The following RPL18 variants were observed in gnomAD, a reference collection of about 807,000 sequenced individuals.
The protein encoded by RPL18 is ribosomal protein L18.
RPL18 carries 4 observed loss-of-function variants against 25.0 expected under a neutral mutation model. The ratio of observed to expected loss-of-function variants is 0.16; its 90% CI spans 0.08 to 0.37. The LOEUF (loss-of-function observed/expected upper bound fraction) is 0.37. Ranked by LOEUF, RPL18 falls within the 10% of genes least tolerant of loss-of-function variation. The pLI, the probability that RPL18 is intolerant of heterozygous loss-of-function variation, is 1.00. For synonymous variants in RPL18, 129 were observed against 101.6 expected (o/e 1.27, Z -1.62); for missense variants, 179 against 267.9 (o/e 0.67, Z 2.32).
At chr19:48,617,023 G>C (rs1450487597) in intron 3 of RPL18, 199 bp from the exon 4 acceptor site, 5 of 702,756 alleles carry the variant, frequency 7.1e-6, no homozygotes, top group African/African-American at 7.0e-5. Flanking sequence ...CTGTTCAATA[G>C]GGCCTCCCTC....
At chr19:48,615,980 G>C (rs376311951) in intron 5 of RPL18, 34 bp from the exon 6 acceptor site, 36 of 1,613,682 alleles carry the variant, frequency 2.2e-5, no homozygotes, top group Non-Finnish European at 3.0e-5. Context: ...GGTGAGACAG[G>C]GATCTGGCGC....
In RPL18 at chr19:48,617,132, G is replaced by A. The variant is rs760065910; in HGVS notation, c.198+184C>T. On this transcript the variant is annotated intron_variant, in intron 3 of 6. Transcript: ENST00000549920. ...ACAAAGAGAAGGAGAGGAGGACCAGGAGACTTGCCCACTGCCCATGGACAC... is the reference window on the plus strand; with the variant it reads ...ACAAAGAGAAGGAGAGGAGGACCAGAAGACTTGCCCACTGCCCATGGACAC... 9.7e-6 allele frequency: 7 copies of A among 724,908 alleles called. No individual in the cohort carries two copies. The African/African-American group carries it at 1.2e-4, about 13-fold the overall frequency. The allele number at this position is 724,908 out of a possible 1,614,324, so 44.9% of individuals were successfully genotyped here.
intron 2 of RPL18, 57 bp downstream of exon 2, chr19:48,617,734 G>T: frequency 7.4e-7 from 1 of 1,348,650 alleles, no homozygotes; most frequent in Non-Finnish European, 1.1e-6. Context: ...TAGAATGGAG[G>T]ATCTGCAAGT....
rs925376043 is a variant in RPL18, at chr19:48,619,087, C to T, written c.3+54G>A. On this transcript the variant is annotated intron_variant, in intron 1 of 6. Transcript: ENST00000549920. ...CCTCCAGCGTGCCCCTAGCCCAAAA[C>T]CACGGCGGATGGCAGCGGATTATCC... The T allele has an allele frequency of 1.1e-5, 17 of 1,584,312 alleles. No homozygotes were observed. In the African/African-American group the frequency reaches 2.0e-4, roughly 19 times the overall value.
At chr19:48,617,753 G>T in intron 2 of RPL18, 38 bp downstream of exon 2, 1 of 1,516,698 alleles carries the variant, frequency 6.6e-7, no homozygotes, top group East Asian at 2.3e-5. Context: ...GTCAGACCTG[G>T]GGTGACCCTT....
At chr19:48,616,264 A>T in intron 4 of RPL18, 62 bp from the exon 5 acceptor site, 1 of 1,597,282 alleles carries the variant, frequency 6.3e-7, no homozygotes, top group Non-Finnish European at 8.5e-7. Flanking sequence ...GGCTGCCAGG[A>T]CTCACCCTCC....
intron 4 of RPL18, 34 bp from the exon 5 acceptor site, chr19:48,616,236 C>T: frequency 6.2e-7 from 1 of 1,609,630 alleles, no homozygotes; most frequent in Non-Finnish European, 8.5e-7. Context: ...GGGTCAGACC[C>T]CTGCGTGGTC....
intron 1 of RPL18, 171 bp from the exon 2 acceptor site, chr19:48,618,048 G>A (rs1194455180): frequency 3.5e-6 from 2 of 574,356 alleles, no homozygotes; most frequent in Non-Finnish European, 6.3e-6. Flanking sequence ...TCTGTAAAAA[G>A]GGGCTGTTTA....
rs760754163 is a variant in RPL18, at chr19:48,616,819, C to T, written c.204G>A (p.Arg68=). Reference sequence around the variant, plus strand: ...TTTCCCGGCCAGGAAGCTTCATCTTCCGGATCTTAGGGTGGGGAGGATGTA... The same window carrying T: ...TTTCCCGGCCAGGAAGCTTCATCTTTCGGATCTTAGGGTGGGGAGGATGTA... ...RPPLSLSRMI[R]KMKLPGRENK... Residue 68 remains arginine, a synonymous_variant, in exon 4 of 7, where the codon CGG becomes CGA. Coordinates refer to ENST00000549920, the MANE Select transcript of RPL18 (RefSeq NM_000979.4). 1.3e-5 allele frequency: 21 copies of T among 1,612,420 alleles called. No individual in the cohort carries two copies. In the South Asian group the frequency reaches 2.1e-4, roughly 16 times the overall value.
In RPL18 at chr19:48,617,887, T is replaced by A; in HGVS notation, c.4-10A>T. On this transcript the variant is annotated splice_polypyrimidine_tract_variant and intron_variant, in intron 1 of 6. Coordinates refer to ENST00000549920, the MANE Select transcript of RPL18 (RefSeq NM_000979.4). ...GGCGGATGTCCACTCCCTGTGGGGG[T>A]GAAGAGGCAACCATGGACCCAATTA... is the stretch of plus-strand genomic sequence containing the variant. 1 of 1,609,414 alleles carries A rather than the reference T, an allele frequency of 6.2e-7. No homozygotes were observed. The highest frequency in any genetic ancestry group is 8.5e-7 in the Non-Finnish European group (1 of 1,175,994).
rs573753385 is a variant in RPL18, at chr19:48,616,990, C to T, written c.199-166G>A. 1.5e-4 allele frequency: 106 copies of T among 704,196 alleles called. 1 individual carries two copies. The African/African-American group carries it at 1.7e-3, about 11-fold the overall frequency. 43.6% of individuals were successfully genotyped at this position (704,196 alleles called of 1,614,324 possible). A position where few individuals can be genotyped will look rare whatever the true frequency, so the allele number is the denominator to read the frequency against. On this transcript the variant is annotated intron_variant, in intron 3 of 6. Transcript: ENST00000549920. ...TCCTCAGGTCCAGCTGGGGAAAGCTCCAGATAAAAAAAAAAATGCAGACTG... is the reference window on the plus strand; with the variant it reads ...TCCTCAGGTCCAGCTGGGGAAAGCTTCAGATAAAAAAAAAAATGCAGACTG...
In RPL18 at chr19:48,617,112, G is replaced by C. The variant is rs918571476; in HGVS notation, c.198+204C>G. The C allele has an allele frequency of 9.9e-6, 7 of 709,966 alleles. No individual in the cohort carries two copies. The African/African-American group carries it at 1.0e-4, about 11-fold the overall frequency. 44.0% of individuals were successfully genotyped at this position (709,966 alleles called of 1,614,324 possible). A position where few individuals can be genotyped will look rare whatever the true frequency, so the allele number is the denominator to read the frequency against. ...CACCAGGACACCTCCACCTCACAAA[G>C]AGAAGGAGAGGAGGACCAGGAGACT... On this transcript the variant is annotated intron_variant, in intron 3 of 6. Transcript: ENST00000549920.
intron 4 of RPL18, 192 bp downstream of exon 4, chr19:48,616,534 C>T (rs1974175865): frequency 1.4e-6 from 1 of 706,526 alleles, no homozygotes; most frequent in Non-Finnish European, 2.6e-6. Flanking sequence ...AGAAGCTTGC[C>T]CAGGGGACCC....
chr19:48,615,475 G>C (rs180823347), intron 6 of RPL18, 28 bp from the exon 7 acceptor site: 1 of 1,578,482 alleles, frequency 6.3e-7, no homozygotes, highest in African/African-American at 1.3e-5. Context: ...AGTGAGAGGG[G>C]GGCCCTCTTA....
At chr19:48,618,133 G>T in intron 1 of RPL18, 1 of 339,864 alleles carries the variant, frequency 2.9e-6, no homozygotes, top group East Asian at 5.5e-5. Flanking sequence ...AATACAAAAA[G>T]GTCAATTCTT....
At chr19:48,615,544 G>A (rs956653690) in intron 6 of RPL18, 97 bp from the exon 7 acceptor site, 23 of 956,050 alleles carry the variant, frequency 2.4e-5, no homozygotes, top group Middle Eastern at 2.2e-4. Flanking sequence ...TCAGCCCCAG[G>A]AGAGTCAATG....
At chr19:48,618,825 C>T in intron 1 of RPL18, 2 of 464,460 alleles carry the variant, frequency 4.3e-6, no homozygotes, top group Non-Finnish European at 3.9e-6. Flanking sequence ...CAGATAAAGG[C>T]AGCAAAGCCA....
At chr19:48,618,036 C>T (rs1423061631) in intron 1 of RPL18, 159 bp from the exon 2 acceptor site, 22 of 590,290 alleles carry the variant, frequency 3.7e-5, no homozygotes, top group South Asian at 1.4e-4. Flanking sequence ...GCCACTGATC[C>T]CTCTGTAAAA....
intron 2 of RPL18, 138 bp downstream of exon 2, chr19:48,617,653 G>A: frequency 1.4e-5 from 10 of 712,104 alleles, no homozygotes; most frequent in Non-Finnish European, 2.4e-5. Context: ...TACAAATGCA[G>A]GAGACCCTGG....
Sources: allele counts gnomAD v4.1 joint callset, GRCh38; gene constraint gnomAD v4.1.1; transcripts MANE v1.5; gene names NCBI Gene and HGNC (gene_info 2026-07-23, HGNC 2026-07-21).